Variants in PELI2 observed in about 807,000 individuals in gnomAD.
PELI2 encodes E3 ubiquitin-protein ligase pellino homolog 2.
In PELI2, 23 loss-of-function variants were observed where a neutral mutation model predicts 42.3. That is an observed-to-expected ratio of 0.54 (90% CI 0.39 to 0.77). The LOEUF is 0.77. Ranked by LOEUF, PELI2 falls within the 30% of genes least tolerant of loss-of-function variation. The probability of loss-of-function intolerance (pLI) is 0.00; values close to 1 mark genes in which losing one functional copy is unlikely to be tolerated. For missense variants in PELI2, 463 were observed against 553.2 expected, an observed-to-expected ratio of 0.84 and a Z score of 1.64; for synonymous variants, 245 against 212.2, an observed-to-expected ratio of 1.15 and a Z score of -1.34.
At chr14:56,214,147 C>T (rs1886811230) in intron 2 of PELI2, among the ~76,000 whole-genome samples, 2 of 152,164 alleles carry the variant, frequency 1.3e-5, no homozygotes, top group African/African-American at 2.4e-5. Context: ...GCCACTGCGC[C>T]TGGCCACAGT....
intron 1 of PELI2, among the ~76,000 whole-genome samples, chr14:56,150,966 A>G (rs1283458367): frequency 6.6e-6 from 1 of 152,226 alleles, no homozygotes; most frequent in Admixed American, 6.5e-5. Context: ...AGAAGACTGA[A>G]GTTTAAGGGA....
chr14:56,153,740 A>G (rs992158489), intron 1 of PELI2, among the ~76,000 whole-genome samples: 3 of 152,314 alleles, frequency 2.0e-5, no homozygotes, highest in African/African-American at 4.8e-5. Context: ...AGCTTCCCCA[A>G]CTGTTTTGTA....
At chr14:56,169,463 A>G (rs1409374996) in intron 1 of PELI2, among the ~76,000 whole-genome samples, 1 of 152,126 alleles carries the variant, frequency 6.6e-6, no homozygotes, top group Non-Finnish European at 1.5e-5. Flanking sequence ...CTTTTGCTCT[A>G]ACAGAACAGC....
intron 2 of PELI2, among the ~76,000 whole-genome samples, chr14:56,245,849 G>T (rs547752003): frequency 7.2e-5 from 11 of 152,260 alleles, no homozygotes; most frequent in Non-Finnish European, 1.5e-4. Flanking sequence ...GATGTTGTAA[G>T]TAATCTAGAG....
intron 3 of PELI2, among the ~76,000 whole-genome samples, chr14:56,282,644 G>A (rs1055214833): frequency 2.0e-5 from 3 of 151,854 alleles, no homozygotes; most frequent in Non-Finnish European, 4.4e-5. Flanking sequence ...TTATTAAAGT[G>A]CCAGTTTGAA....
chr14:56,202,066 T>C (rs1162603401), intron 2 of PELI2, among the ~76,000 whole-genome samples: 1 of 152,234 alleles, frequency 6.6e-6, no homozygotes, highest in African/African-American at 2.4e-5. Flanking sequence ...AACCTGCCAG[T>C]GTCACACAAC....
chr14:56,161,384 G>A (rs2139640161), intron 1 of PELI2, among the ~76,000 whole-genome samples: 1 of 150,854 alleles, frequency 6.6e-6, no homozygotes, highest in South Asian at 2.1e-4. Context: ...TCAGCTCACT[G>A]CAAACTCCAC....
chr14:56,186,100 A>G (rs1385311170), intron 2 of PELI2, among the ~76,000 whole-genome samples: 2 of 152,180 alleles, frequency 1.3e-5, no homozygotes, highest in African/African-American at 4.8e-5. Context: ...TGAAAGGGGA[A>G]TGGAGAAGAC....
At chr14:56,158,048 G>C (rs941256919) in intron 1 of PELI2, among the ~76,000 whole-genome samples, 2 of 152,232 alleles carry the variant, frequency 1.3e-5, no homozygotes, top group African/African-American at 4.8e-5. Flanking sequence ...CTTATTTTGA[G>C]ATGTAGTCTC....
intron 2 of PELI2, among the ~76,000 whole-genome samples, chr14:56,272,846 ATGG>A (rs1483372717): frequency 1.3e-5 from 2 of 152,226 alleles, no homozygotes; most frequent in Non-Finnish European, 2.9e-5. Context: ...GCTGCCTGCC[ATGG>A]TAGACACACC....
intron 1 of PELI2, among the ~76,000 whole-genome samples, chr14:56,176,150 G>T (rs1371541709): frequency 6.6e-6 from 1 of 152,218 alleles, no homozygotes; most frequent in Non-Finnish European, 1.5e-5. Flanking sequence ...ATTCAAACGT[G>T]GTGCTGGGGT....
At chr14:56,172,850 A>C (rs1046985600) in intron 1 of PELI2, among the ~76,000 whole-genome samples, 9 of 152,148 alleles carry the variant, frequency 5.9e-5, no homozygotes, top group Non-Finnish European at 1.2e-4. Flanking sequence ...TCTTTCTCTT[A>C]ACTGACCTCT....
chr14:56,265,479 T>C (rs1888868290), intron 2 of PELI2, among the ~76,000 whole-genome samples: 1 of 152,088 alleles, frequency 6.6e-6, no homozygotes, highest in Non-Finnish European at 1.5e-5. Context: ...TCATCATGGA[T>C]CATAAAACTA....
intron 3 of PELI2, among the ~76,000 whole-genome samples, chr14:56,285,824 G>T (rs1205208914): frequency 6.6e-6 from 1 of 152,124 alleles, no homozygotes; most frequent in African/African-American, 2.4e-5. Context: ...AACAGGGCTG[G>T]AGCCTGGGGC....
chr14:56,138,058 G>A (rs753260049), intron 1 of PELI2, among the ~76,000 whole-genome samples: 3 of 152,178 alleles, frequency 2.0e-5, no homozygotes, highest in African/African-American at 4.8e-5. Flanking sequence ...GATACTCCGC[G>A]ATGTGGGTCA....
intron 2 of PELI2, among the ~76,000 whole-genome samples, chr14:56,261,445 A>G (rs1888713058): frequency 6.6e-6 from 1 of 152,176 alleles, no homozygotes. Context: ...TTGATGGGTG[A>G]CTGAACTACA....
intron 2 of PELI2, among the ~76,000 whole-genome samples, chr14:56,182,931 TCTC>T (rs1417119414): frequency 6.6e-6 from 1 of 152,144 alleles, no homozygotes. Context: ...GTGGCGTTGA[TCTC>T]CTGCACGTTC....
intron 3 of PELI2, among the ~76,000 whole-genome samples, chr14:56,282,923 G>T (rs1425927349): frequency 6.6e-6 from 1 of 151,918 alleles, no homozygotes; most frequent in Non-Finnish European, 1.5e-5. Flanking sequence ...TTTACAGAGA[G>T]AATTCTTAAT....
chr14:56,258,380 C>T (rs7142251), intron 2 of PELI2, among the ~76,000 whole-genome samples: 2,472 of 151,900 alleles, frequency 0.016, 63 homozygotes, highest in African/African-American at 0.056. Flanking sequence ...GACCTATACC[C>T]AGGAGGAAAA....
Sources: allele counts gnomAD v4.1 joint callset (sites outside exome capture counted in the v4.1 genomes callset), GRCh38; gene constraint gnomAD v4.1.1; transcripts MANE v1.5; gene names NCBI Gene and HGNC (gene_info 2026-07-23, HGNC 2026-07-21).